The following TFEC variants were observed in gnomAD, a reference collection of about 807,000 sequenced individuals.
TFEC encodes class E basic helix-loop-helix protein 34.
In TFEC, 31 loss-of-function variants were observed where a neutral mutation model predicts 41.6. That is an observed-to-expected ratio of 0.74 (90% CI 0.56 to 1.01). The LOEUF (loss-of-function observed/expected upper bound fraction) is 1.01. TFEC is among the 50% of genes least tolerant of loss of function. The pLI is 0.00. For synonymous variants in TFEC, 143 were observed against 140.6 expected, an observed-to-expected ratio of 1.02 and a Z score of -0.12; for missense variants, 402 against 404.1, an observed-to-expected ratio of 0.99 and a Z score of 0.04.
In TFEC at chr7:116,093,202, T is replaced by C. The variant is rs146445247; in HGVS notation, c.198+17506A>G. ...AGAAGACGTGACATCCATGAAACCATGGTAAGACACGTGAACTCTGCAATG... is the reference window on the plus strand; with the variant it reads ...AGAAGACGTGACATCCATGAAACCACGGTAAGACACGTGAACTCTGCAATG... On this transcript the variant is annotated intron_variant, in intron 3 of 8. Transcript: ENST00000484212. Among the ~76,000 whole-genome samples, 920 of 152,218 alleles carry C rather than the reference T, an allele frequency of 6.0e-3. 6 individuals carry two copies. Among genetic ancestry groups the C allele is most frequent in the Non-Finnish European group, 6.9e-3 (469 of 67,984 alleles).
rs181337305 is a variant in TFEC at position 116,111,451 on chromosome 7, C to A, written c.-21-525G>T. On this transcript the variant is annotated intron_variant, in intron 2 of 8. Coordinates refer to the TFEC transcript ENST00000484212. ...TATTTAAGTGCACTAACAAGTGACC[C>A]ATACATCTCCCCGGATGAAAGTTGT... Among the ~76,000 whole-genome samples, 186 of 152,124 alleles carry A rather than the reference C, an allele frequency of 1.2e-3. 1 individual carries two copies. Among genetic ancestry groups the A allele is most frequent in the Non-Finnish European group, 2.2e-3 (147 of 67,964 alleles).
intron 1 of TFEC, among the ~76,000 whole-genome samples, chr7:116,119,528 A>G (rs1262689206): frequency 2.6e-5 from 4 of 151,896 alleles, no homozygotes; most frequent in Non-Finnish European, 5.9e-5. Context: ...TTTTGAATAT[A>G]TGTTAAAAAA....
chr7:116,150,937 T>C (rs560560545), intron 1 of TFEC, among the ~76,000 whole-genome samples: 1 of 152,278 alleles, frequency 6.6e-6, no homozygotes, highest in East Asian at 1.9e-4. Flanking sequence ...GCATCCCTCT[T>C]AAATGACTAT....
intron 1 of TFEC, among the ~76,000 whole-genome samples, chr7:116,018,877 G>A (rs1486617975): frequency 6.6e-6 from 1 of 152,216 alleles, no homozygotes; most frequent in Non-Finnish European, 1.5e-5. Flanking sequence ...TCTGCAAGTT[G>A]TTGTGGGACT....
At chr7:115,951,104 C>T (rs13228759) in intron 5 of TFEC, among the ~76,000 whole-genome samples, 155 bp from the exon 6 acceptor site, 21,659 of 151,974 alleles carry the variant, frequency 0.14, 2,058 homozygotes, top group Non-Finnish European at 0.21. Context: ...TAAAAATTCT[C>T]ATTCTAAAAG....
chr7:116,080,028 A>T (rs1361921520), intron 3 of TFEC, among the ~76,000 whole-genome samples: 1 of 152,136 alleles, frequency 6.6e-6, no homozygotes, highest in Non-Finnish European at 1.5e-5. Context: ...ATAAAGCCAA[A>T]TACTTACAAC....
At chr7:115,956,447 CAT>C (rs1320844740) in intron 4 of TFEC, among the ~76,000 whole-genome samples, 1 of 150,516 alleles carries the variant, frequency 6.6e-6, no homozygotes, top group African/African-American at 2.4e-5. Flanking sequence ...GTATGTAAAA[CAT>C]ATATGTGCAT....
chr7:116,016,529 A>AACT (rs1795196389), intron 1 of TFEC, among the ~76,000 whole-genome samples: 1 of 151,882 alleles, frequency 6.6e-6, no homozygotes, highest in East Asian at 1.9e-4. Context: ...AGCACTAAGC[A>AACT]CCTCCTCCTC....
intron 3 of TFEC, among the ~76,000 whole-genome samples, chr7:116,042,356 CTG>C (rs1443238497): frequency 1.3e-5 from 2 of 152,094 alleles, no homozygotes; most frequent in African/African-American, 2.4e-5. Context: ...GCAACACACA[CTG>C]TAGATAATTT....
At chr7:116,007,429 A>C (rs958158290) in intron 1 of TFEC, among the ~76,000 whole-genome samples, 7 of 152,206 alleles carry the variant, frequency 4.6e-5, no homozygotes, top group Admixed American at 4.6e-4. Context: ...TTTGAATTTT[A>C]AAATCTCCTG....
rs1793527783 is a variant in TFEC, at chr7:115,941,963, C to G, written c.593G>C (p.Arg198Thr). 1 of 1,613,076 alleles carries G rather than the reference C, an allele frequency of 6.2e-7. No homozygotes were observed. The highest frequency in any genetic ancestry group is 8.5e-7 in the Non-Finnish European group (1 of 1,179,424). ...CTGTCTGTGTTCCAATTCTCGGGCT[C>G]TCTGTTGTTCTTTTTGTAGCCACTT... ...YIKWLQKEQQ[R>T]ARELEHRQKK... The change falls in exon 7 of 8, where the codon AGA becomes ACA. Residue 198 changes from arginine (R) to threonine (T), a missense_variant. Transcript: ENST00000265440.
At chr7:115,974,347 T>C (rs1246451802) in intron 2 of TFEC, 91 bp from the exon 3 acceptor site, 1 of 869,762 alleles carries the variant, frequency 1.1e-6, no homozygotes, top group Admixed American at 3.9e-5. Flanking sequence ...TAGCAATCTT[T>C]AAAAGTTTTT....
At chr7:116,113,486 T>C (rs1317218053) in intron 1 of TFEC, among the ~76,000 whole-genome samples, 2 of 151,986 alleles carry the variant, frequency 1.3e-5, no homozygotes, top group Non-Finnish European at 2.9e-5. Context: ...CCTCCAGAAC[T>C]GTGAAAGAAT....
At chr7:116,053,355 G>T (rs1796358107) in intron 3 of TFEC, among the ~76,000 whole-genome samples, 2 of 152,198 alleles carry the variant, frequency 1.3e-5, no homozygotes, top group African/African-American at 2.4e-5. Context: ...GGGGTTTGTG[G>T]AGAAAGGATT....
chr7:116,111,702 G>T (rs1268268234), intron 2 of TFEC, among the ~76,000 whole-genome samples: 1 of 152,004 alleles, frequency 6.6e-6, no homozygotes, highest in Non-Finnish European at 1.5e-5. Flanking sequence ...TTCTCAGTCA[G>T]AGTTTCTGGG....
At chr7:115,956,952 AC>A (rs1219993625) in intron 3 of TFEC, among the ~76,000 whole-genome samples, 159 bp from the exon 4 acceptor site, 1 of 151,912 alleles carries the variant, frequency 6.6e-6, no homozygotes, top group African/African-American at 2.4e-5. Context: ...GTATGCATTA[AC>A]TTTTTAAAAG....
At chr7:116,050,157 C>T (rs559931308) in intron 3 of TFEC, among the ~76,000 whole-genome samples, 15 of 151,514 alleles carry the variant, frequency 9.9e-5, no homozygotes, top group Middle Eastern at 3.4e-3. Context: ...GATAGAGACA[C>T]GAAAAAAAAC....
In TFEC at chr7:115,939,352, A is replaced by C. The variant is rs1793376556; in HGVS notation, c.*1199T>G. 1 of 152,060 alleles carries C rather than the reference A, an allele frequency of 6.6e-6. No homozygotes were observed. Among genetic ancestry groups the C allele is most frequent in the South Asian group, 2.1e-4 (1 of 4,834 alleles). 9.4% of individuals were successfully genotyped at this position (152,060 alleles called of 1,614,324 possible). A position where few individuals can be genotyped will look rare whatever the true frequency, so the allele number is the denominator to read the frequency against. Reference sequence around the variant, plus strand: ...TAACCTAAAACAAGCGCAAGAGATAAAAATCTAAATGAAGCATCATAGTTA... The same window carrying C: ...TAACCTAAAACAAGCGCAAGAGATACAAATCTAAATGAAGCATCATAGTTA... On this transcript the variant is annotated 3_prime_UTR_variant, in exon 8 of 8. Coordinates refer to ENST00000265440, the MANE Select transcript of TFEC (RefSeq NM_012252.4).
chr7:116,125,593 G>A (rs558531953), intron 1 of TFEC, among the ~76,000 whole-genome samples: 7 of 152,164 alleles, frequency 4.6e-5, no homozygotes, highest in African/African-American at 9.6e-5. Context: ...TAATGTTGGC[G>A]GAATGTATGG....
Sources: allele counts gnomAD v4.1 joint callset (sites outside exome capture counted in the v4.1 genomes callset), GRCh38; gene constraint gnomAD v4.1.1; transcripts MANE v1.5; gene names NCBI Gene and HGNC (gene_info 2026-07-23, HGNC 2026-07-21).